CNTNAP5: variants seen among roughly 807,000 people sequenced by gnomAD.
The protein encoded by CNTNAP5 is contactin associated protein family member 5.
CNTNAP5 carries 72 observed loss-of-function variants against 150.2 expected under a neutral mutation model. The observed-to-expected ratio is 0.48, with a 90% CI of 0.40 to 0.58. The LOEUF (loss-of-function observed/expected upper bound fraction) is 0.58. CNTNAP5 is among the 20% of genes least tolerant of loss of function. CNTNAP5 has a pLI of 0.00. For synonymous variants in CNTNAP5, 672 were observed against 619.8 expected (o/e 1.08, Z -1.25); for missense variants, 1,636 against 1,626.2 (o/e 1.01, Z -0.10).
intron 8 of CNTNAP5, among the ~76,000 whole-genome samples, chr2:124,519,429 C>T (rs1347705443): frequency 6.6e-6 from 1 of 152,138 alleles, no homozygotes; most frequent in African/African-American, 2.4e-5. Flanking sequence ...CTTTTCAGAG[C>T]TTTTTGGTCA....
intron 3 of CNTNAP5, among the ~76,000 whole-genome samples, chr2:124,323,231 T>C (rs917353790): frequency 3.9e-5 from 6 of 152,202 alleles, no homozygotes; most frequent in Admixed American, 2.0e-4. Context: ...ACAGAAGTTC[T>C]CATGCAACTC....
At chr2:124,151,363 C>T (rs1384392137) in intron 1 of CNTNAP5, among the ~76,000 whole-genome samples, 5 of 152,138 alleles carry the variant, frequency 3.3e-5, no homozygotes, top group Non-Finnish European at 4.4e-5. Flanking sequence ...TCCACAGTGA[C>T]TCTCCCTTCT....
intron 5 of CNTNAP5, among the ~76,000 whole-genome samples, chr2:124,441,430 A>C (rs769314820): frequency 6.6e-6 from 1 of 152,054 alleles, no homozygotes; most frequent in Admixed American, 6.6e-5. Flanking sequence ...TTATCCGCAC[A>C]TAGTGCTTAT....
At chr2:124,078,319 TG>T (rs1326626886) in intron 1 of CNTNAP5, among the ~76,000 whole-genome samples, 3 of 152,224 alleles carry the variant, frequency 2.0e-5, no homozygotes, top group Non-Finnish European at 2.9e-5. Flanking sequence ...GTTATGCACT[TG>T]TAATAGCTTA....
intron 1 of CNTNAP5, among the ~76,000 whole-genome samples, chr2:124,131,785 A>AT (rs1209824158): frequency 1.3e-5 from 2 of 152,070 alleles, no homozygotes; most frequent in African/African-American, 2.4e-5. Flanking sequence ...CTATTTGTGT[A>AT]TTTTTTCATC....
chr2:124,198,857 C>T lies in CNTNAP5; in HGVS notation c.83-22848C>T, dbSNP rs552541444. ...GAGAAGTATGCCAGATTTCTTGCCA[C>T]ATGATTTCTTTTTTTTTTTTTTCCA... is the stretch of plus-strand genomic sequence containing the variant. On this transcript the variant is annotated intron_variant, in intron 1 of 23. Coordinates refer to ENST00000682447, the MANE Select transcript of CNTNAP5 (RefSeq NM_001367498.1). Among the ~76,000 whole-genome samples, 33 of 137,982 alleles carry T rather than the reference C, an allele frequency of 2.4e-4. No individual in the cohort carries two copies. The South Asian group carries it at 7.3e-3, about 30-fold the overall frequency. 90.5% of individuals were successfully genotyped at this position (137,982 alleles called of 152,430 possible). A position where few individuals can be genotyped will look rare whatever the true frequency, so the allele number is the denominator to read the frequency against.
chr2:124,811,737 T>A (rs1682226944), intron 19 of CNTNAP5, among the ~76,000 whole-genome samples: 1 of 150,036 alleles, frequency 6.7e-6, no homozygotes, highest in African/African-American at 2.5e-5. Flanking sequence ...AATCAGGAGT[T>A]CGAGACCAGC....
chr2:124,650,816 A>G (rs1160389181), intron 13 of CNTNAP5, among the ~76,000 whole-genome samples: 4 of 152,226 alleles, frequency 2.6e-5, no homozygotes, highest in African/African-American at 7.2e-5. Flanking sequence ...AGCTACTCCA[A>G]TGAACAAATC....
At chr2:124,220,132 T>C (rs1686266345) in intron 1 of CNTNAP5, among the ~76,000 whole-genome samples, 1 of 151,772 alleles carries the variant, frequency 6.6e-6, no homozygotes, top group Non-Finnish European at 1.5e-5. Context: ...CTTAATACTA[T>C]GTAAATGTTC....
At chr2:124,364,580 G>A (rs1690315803) in intron 3 of CNTNAP5, among the ~76,000 whole-genome samples, 1 of 152,086 alleles carries the variant, frequency 6.6e-6, no homozygotes, top group Admixed American at 6.5e-5. Flanking sequence ...GTGTCTCAAA[G>A]AATGTCTGGC....
chr2:124,596,984 T>C (rs1211416420), intron 11 of CNTNAP5, among the ~76,000 whole-genome samples: 1 of 20,686 alleles, frequency 4.8e-5, no homozygotes, highest in Non-Finnish European at 6.3e-4. Context: ...TTGTTTTCCA[T>C]TTGCTTGGTA....
intron 3 of CNTNAP5, among the ~76,000 whole-genome samples, chr2:124,358,843 CT>C (rs1483135217): frequency 2.0e-5 from 3 of 150,552 alleles, no homozygotes; most frequent in Non-Finnish European, 4.4e-5. Flanking sequence ...AGGATTCCCT[CT>C]TTTTCTATTG....
chr2:124,751,667 G>T (rs12469969), intron 14 of CNTNAP5, among the ~76,000 whole-genome samples: 47,971 of 152,146 alleles, frequency 0.32, 8,761 homozygotes, highest in Non-Finnish European at 0.43. Flanking sequence ...TATCAGTGGT[G>T]CTCTGTGTGC....
At chr2:124,844,415 C>T (rs957495986) in intron 19 of CNTNAP5, among the ~76,000 whole-genome samples, 3 of 152,008 alleles carry the variant, frequency 2.0e-5, no homozygotes, top group Non-Finnish European at 4.4e-5. Context: ...GTGACTATGG[C>T]CTAATAGTAT....
rs200429155 is a variant in CNTNAP5, at chr2:124,264,389, T to TACACACACAC, written c.381+22031_381+22040dup. 9.5e-5 allele frequency among the ~76,000 whole-genome samples: 12 copies of TACACACACAC among 126,552 alleles called. 1 individual carries two copies. Among genetic ancestry groups the TACACACACAC allele is most frequent in the African/African-American group, 3.4e-4 (12 of 35,798 alleles). 83.0% of individuals were successfully genotyped at this position (126,552 alleles called of 152,430 possible). A position where few individuals can be genotyped will look rare whatever the true frequency, so the allele number is the denominator to read the frequency against. ...ACACACACAGGCACACACACACACA[T>TACACACACAC]ACACACACACACACACACACACACA... On this transcript the variant is annotated intron_variant, in intron 3 of 23. Transcript: ENST00000682447.
intron 1 of CNTNAP5, 111 bp downstream of exon 1, chr2:124,025,843 G>A: frequency 8.5e-5 from 81 of 948,156 alleles, no homozygotes; most frequent in Admixed American, 6.1e-4. Flanking sequence ...CAAAGGAAAC[G>A]GAAAAAAAAT....
At chr2:124,123,649 C>T (rs1683620405) in intron 1 of CNTNAP5, among the ~76,000 whole-genome samples, 1 of 152,312 alleles carries the variant, frequency 6.6e-6, no homozygotes, top group South Asian at 2.1e-4. Flanking sequence ...TGGGAGACAC[C>T]TCCCAGTAGG....
At chr2:124,175,411 A>T (rs1685038825) in intron 1 of CNTNAP5, among the ~76,000 whole-genome samples, 1 of 152,138 alleles carries the variant, frequency 6.6e-6, no homozygotes, top group South Asian at 2.1e-4. Flanking sequence ...TTGCCAAATA[A>T]TATCCGTATA....
At chr2:124,451,051 A>AAAAT (rs1360743225) in intron 6 of CNTNAP5, among the ~76,000 whole-genome samples, 6 of 65,302 alleles carry the variant, frequency 9.2e-5, no homozygotes, top group East Asian at 4.0e-4. Flanking sequence ...AAAAAAAAAA[A>AAAAT]ATATATATAT....
Sources: allele counts gnomAD v4.1 joint callset (sites outside exome capture counted in the v4.1 genomes callset), GRCh38; gene constraint gnomAD v4.1.1; transcripts MANE v1.5; gene names NCBI Gene and HGNC (gene_info 2026-07-23, HGNC 2026-07-21).